The following PDCD6 variants were observed in gnomAD, a reference collection of about 807,000 sequenced individuals.
PDCD6 encodes the protein programmed cell death 6.
Under a neutral mutation model 28.3 loss-of-function variants are expected in PDCD6, and 12 were observed. The observed-to-expected ratio is 0.42, with a 90% confidence interval of 0.27 to 0.69. The LOEUF (loss-of-function observed/expected upper bound fraction) is 0.69. Ranked by LOEUF, PDCD6 falls within the 30% of genes least tolerant of loss-of-function variation. The pLI is 0.22. For synonymous variants in PDCD6, 92 were observed against 108.0 expected (o/e 0.85, Z 0.92); for missense variants, 226 against 269.9 (o/e 0.84, Z 1.14).
rs1203598545 is a variant in PDCD6, at chr5:298,377, AG to A, written c.164-5796del. Among the ~76,000 whole-genome samples, 4 of 151,806 alleles carry A rather than the reference AG, an allele frequency of 2.6e-5. No homozygotes were observed. The East Asian group carries it at 7.8e-4, about 30-fold the overall frequency. On this transcript the variant is annotated intron_variant, in intron 2 of 5. Transcript: ENST00000264933. Reference sequence around the variant, plus strand: ...CCAGGAGTGAGCACCAGGCACTGTCAGGGGTTCTCTCCCCAGCACATTTACA... The same window carrying A: ...CCAGGAGTGAGCACCAGGCACTGTCAGGGTTCTCTCCCCAGCACATTTACA...
intron 2 of PDCD6, among the ~76,000 whole-genome samples, chr5:297,976 C>G (rs1437182048): frequency 1.3e-5 from 2 of 152,130 alleles, no homozygotes; most frequent in Non-Finnish European, 2.9e-5. Context: ...TAACAAATGA[C>G]AAATTTATTT....
At chr5:290,977 G>A (rs1466076001) in intron 2 of PDCD6, among the ~76,000 whole-genome samples, 1 of 152,138 alleles carries the variant, frequency 6.6e-6, no homozygotes, top group South Asian at 2.1e-4. Flanking sequence ...GTACAGGATG[G>A]GTAAGGTATA....
Position 292,145 on chromosome 5 carries a change from C to G in PDCD6, c.164-12032C>G, listed in dbSNP as rs554156068. On this transcript the variant is annotated intron_variant, in intron 2 of 5. Transcript: ENST00000264933. ...TCTCCCACTGTTAGGCTGAGCCCCTCTTCATGTTTTCATTAGCCATTCCTC... is the reference window on the plus strand; with the variant it reads ...TCTCCCACTGTTAGGCTGAGCCCCTGTTCATGTTTTCATTAGCCATTCCTC... 3.6e-3 allele frequency among the ~76,000 whole-genome samples: 553 copies of G among 152,278 alleles called. 2 individuals are homozygous for G. Among genetic ancestry groups the G allele is most frequent in the African/African-American group, 0.012 (519 of 41,570 alleles).
intron 2 of PDCD6, among the ~76,000 whole-genome samples, chr5:294,617 A>G (rs1476605810): frequency 6.6e-6 from 1 of 152,250 alleles, no homozygotes. Context: ...GGGTCCCGCC[A>G]TGCTGGAAAG....
intron 2 of PDCD6, among the ~76,000 whole-genome samples, chr5:277,301 ATTT>A (rs74799424): frequency 1.3e-3 from 115 of 86,188 alleles, no homozygotes; most frequent in South Asian, 4.7e-3. Context: ...AATTTTTTGT[ATTT>A]TTTTTTTTTT....
At chr5:291,196 C>A (rs1739292674) in intron 2 of PDCD6, among the ~76,000 whole-genome samples, 1 of 152,114 alleles carries the variant, frequency 6.6e-6, no homozygotes, top group Non-Finnish European at 1.5e-5. Context: ...ATCTGCACAT[C>A]CCTAAAAAAT....
chr5:288,293 T>A (rs181445609), intron 2 of PDCD6, among the ~76,000 whole-genome samples: 15,600 of 79,756 alleles, frequency 0.2, 1,000 homozygotes, highest in African/African-American at 0.37. Flanking sequence ...ATATATATAT[T>A]ATATATATAT....
intron 2 of PDCD6, chr5:288,901 G>A: frequency 6.4e-7 from 1 of 1,571,908 alleles, no homozygotes; most frequent in Non-Finnish European, 8.7e-7. Flanking sequence ...GATTCTGAAA[G>A]AATCTCTCCA....
rs773009786 is a variant in PDCD6 at position 276,567 on chromosome 5, T to C, written c.163+3795T>C. The C allele has an allele frequency of 1.9e-5, 19 of 981,162 alleles. No homozygotes were observed. In the South Asian group the frequency reaches 5.7e-4, roughly 29 times the overall value. 60.8% of individuals were successfully genotyped at this position (981,162 alleles called of 1,614,324 possible). ...CCTCCTGCCTCAGCCTATACTAATA[T>C]GAATTCCTATACTAATATGATTGAA... On this transcript the variant is annotated intron_variant, in intron 2 of 5. Coordinates refer to ENST00000264933, the MANE Select transcript of PDCD6 (RefSeq NM_013232.4).
In PDCD6 at chr5:271,796, A is replaced by G. The variant is rs765204974; in HGVS notation, c.76A>G (p.Ser26Gly). ...PAAGAALPDQ[S>G]FLWNVFQRVD... ...TGCAGGCGCGGCGCTGCCGGACCAGAGCTTCCTGTGGAACGTTTTCCAGAG... is the reference window on the plus strand; with the variant it reads ...TGCAGGCGCGGCGCTGCCGGACCAGGGCTTCCTGTGGAACGTTTTCCAGAG... The change falls in exon 1 of 6, where the codon AGC becomes GGC. Residue 26 changes from serine to glycine, a missense_variant. By Grantham distance (56) the Ser-to-Gly change is moderately conservative. Around this residue, in one of 3 missense-constraint regions of PDCD6, gnomAD observed 72 missense variants for 71.4 expected, o/e 1.01. Coordinates refer to ENST00000264933, the MANE Select transcript of PDCD6 (RefSeq NM_013232.4). 1.0e-4 allele frequency: 148 copies of G among 1,465,344 alleles called. No homozygotes were observed. Among genetic ancestry groups the G allele is most frequent in the Non-Finnish European group, 1.3e-4 (144 of 1,114,050 alleles). 90.8% of individuals were successfully genotyped at this position (1,465,344 alleles called of 1,614,324 possible).
chr5:291,520 C>T (rs1579508964), intron 2 of PDCD6, among the ~76,000 whole-genome samples: 5 of 150,078 alleles, frequency 3.3e-5, no homozygotes. Flanking sequence ...TGAGACCCAC[C>T]CACACTGACA....
intron 2 of PDCD6, among the ~76,000 whole-genome samples, chr5:297,141 C>T (rs1327566595): frequency 6.6e-6 from 1 of 152,076 alleles, no homozygotes; most frequent in Non-Finnish European, 1.5e-5. Context: ...GTTATCACAG[C>T]TTCTCCCCAC....
chr5:306,696 G>C lies in PDCD6; in HGVS notation c.303G>C (p.Thr101=), dbSNP rs539994267. 5 of 1,614,058 alleles carry C rather than the reference G, an allele frequency of 3.1e-6. No individual in the cohort carries two copies. In the South Asian group the frequency reaches 5.5e-5, roughly 18 times the overall value. ...YITDWQNVFR[T]YDRDNSGMID... is the part of the protein sequence containing the mutation. ...CGGACTGGCAGAACGTCTTCCGCAC[G>C]TACGACCGGGACAACTCCGGGATGA... The change falls in exon 4 of 6, where the codon ACG becomes ACC. Residue 101 remains threonine, a synonymous_variant. Transcript: ENST00000264933.
chr5:296,928 A>C (rs1486417674), intron 2 of PDCD6, among the ~76,000 whole-genome samples: 4 of 152,038 alleles, frequency 2.6e-5, no homozygotes, highest in Non-Finnish European at 5.9e-5. Flanking sequence ...CACCAGACCC[A>C]TCCACACAGT....
intron 2 of PDCD6, chr5:273,031 G>A (rs1481351782): frequency 3.9e-6 from 2 of 518,774 alleles, no homozygotes; most frequent in African/African-American, 2.1e-5. Flanking sequence ...AAACTAGATT[G>A]TAGGTTTAGG....
At chr5:277,301 ATTTTTTT>A (rs74799424) in intron 2 of PDCD6, among the ~76,000 whole-genome samples, 2 of 86,204 alleles carry the variant, frequency 2.3e-5, no homozygotes, top group Non-Finnish European at 4.3e-5. Flanking sequence ...AATTTTTTGT[ATTTTTTT>A]TTTTTTTTTT....
intron 2 of PDCD6, chr5:289,919 A>G (rs540068232): frequency 1.9e-5 from 29 of 1,498,204 alleles, no homozygotes; most frequent in African/African-American, 2.8e-5. Context: ...GAAGAAGGAT[A>G]AACACAGCTA....
intron 2 of PDCD6, among the ~76,000 whole-genome samples, chr5:277,363 A>G (rs10061294): frequency 0.73 from 106,503 of 145,020 alleles, 39,391 homozygotes; most frequent in African/African-American, 0.77. Flanking sequence ...GTGCGGTGGC[A>G]CTATCTTGGC....
At chr5:276,423 T>C (rs977410569) in intron 2 of PDCD6, 1 of 989,494 alleles carries the variant, frequency 1.0e-6, no homozygotes, top group African/African-American at 1.7e-5. Flanking sequence ...AATTTGTCCT[T>C]GGATAAACAC....
Sources: gnomAD v4.1 joint callset for allele counts (sites outside exome capture counted in the v4.1 genomes callset) on GRCh38, gnomAD v4.1.1 for gene constraint, gnomAD v4.1.1 regional missense constraint, MANE v1.5 for transcripts, NCBI Gene and HGNC (gene_info 2026-07-23, HGNC 2026-07-21) for gene names.